Variants in FHIP1A observed in about 807,000 individuals in gnomAD.
FHIP1A encodes the protein FHF complex subunit HOOK interacting protein 1A.
In FHIP1A, 61 loss-of-function variants were observed where a neutral mutation model predicts 88.6. The observed-to-expected ratio is 0.69, with a 90% CI of 0.56 to 0.85. FHIP1A has a LOEUF of 0.85. Ranked by LOEUF, FHIP1A falls within the 40% of genes least tolerant of loss-of-function variation. FHIP1A has a pLI of 0.00. For missense variants in FHIP1A, 1,154 were observed against 1,273.5 expected, an observed-to-expected ratio of 0.91 and a Z score of 1.43; for synonymous variants, 478 against 496.0, an observed-to-expected ratio of 0.96 and a Z score of 0.48.
chr4:151,551,085 C>T (rs1321811345), intron 3 of FHIP1A, among the ~76,000 whole-genome samples: 1 of 152,182 alleles, frequency 6.6e-6, no homozygotes, highest in Non-Finnish European at 1.5e-5. Flanking sequence ...CACAGCACTC[C>T]TGGCAGCTGG....
chr4:151,483,954 TG>T (rs1729989059), intron 3 of FHIP1A, among the ~76,000 whole-genome samples: 1 of 152,176 alleles, frequency 6.6e-6, no homozygotes, highest in African/African-American at 2.4e-5. Flanking sequence ...ATTTAATAAT[TG>T]TTAATAGGCA....
At chr4:151,505,693 C>G (rs2126669922) in intron 3 of FHIP1A, among the ~76,000 whole-genome samples, 1 of 152,230 alleles carries the variant, frequency 6.6e-6, no homozygotes, top group African/African-American at 2.4e-5. Flanking sequence ...TAATAAATAA[C>G]ATTCAAGTGG....
chr4:151,586,649 A>C lies in FHIP1A; in HGVS notation c.741A>C (p.Ala247=). ...VENTYFCPVL[A]TGLSGLYSSL... ...TTTATTTCTGAACACAGGTACTTGC[A>C]ACTGGGCTCAGTGGTCTCTACTCTT... The change falls in exon 6 of 14, where the codon GCA becomes GCC. Residue 247 remains alanine, a synonymous_variant. Transcript: ENST00000435205. 1 of 1,543,984 alleles carries C rather than the reference A, an allele frequency of 6.5e-7. No individual in the cohort carries two copies. Among genetic ancestry groups the C allele is most frequent in the Non-Finnish European group, 8.8e-7 (1 of 1,141,192 alleles).
chr4:151,523,787 A>T (rs1731528191), intron 3 of FHIP1A, among the ~76,000 whole-genome samples: 1 of 152,154 alleles, frequency 6.6e-6, no homozygotes, highest in Non-Finnish European at 1.5e-5. Flanking sequence ...CCAGTCTCTT[A>T]ATATATGTTT....
Position 151,447,646 on chromosome 4 carries a change from AC to A in FHIP1A, c.-355-7050del, listed in dbSNP as rs559846746. Among the ~76,000 whole-genome samples the A allele has an allele frequency of 2.7e-3, 411 of 152,116 alleles. 2 individuals carry two copies. The highest frequency in any genetic ancestry group is 9.4e-3 in the African/African-American group (391 of 41,480). On this transcript the variant is annotated intron_variant, in intron 1 of 13. Coordinates refer to ENST00000435205, the MANE Select transcript of FHIP1A (RefSeq NM_001109977.3). ...TCAAAATTCATATGTTGAAGGCCTA[AC>A]CCCCAATACCTCAGAATGTGATTGT...
intron 2 of FHIP1A, among the ~76,000 whole-genome samples, chr4:151,459,766 A>G (rs1469998123): frequency 6.6e-6 from 1 of 152,234 alleles, no homozygotes; most frequent in Non-Finnish European, 1.5e-5. Context: ...GACAGAAGCA[A>G]GAAACCAGAA....
intron 7 of FHIP1A, among the ~76,000 whole-genome samples, chr4:151,623,247 AAT>A (rs1289548646): frequency 6.6e-6 from 1 of 152,184 alleles, no homozygotes; most frequent in Non-Finnish European, 1.5e-5. Flanking sequence ...TACAGATGAA[AAT>A]ATGTTTTAGG....
intron 2 of FHIP1A, among the ~76,000 whole-genome samples, chr4:151,473,200 T>C (rs980040135): frequency 6.6e-6 from 1 of 152,194 alleles, no homozygotes; most frequent in Admixed American, 6.5e-5. Context: ...TAAAGATCTC[T>C]AGAATCCTTA....
chr4:151,512,567 G>A (rs1016359170), intron 3 of FHIP1A, among the ~76,000 whole-genome samples: 5 of 152,158 alleles, frequency 3.3e-5, no homozygotes, highest in Non-Finnish European at 7.3e-5. Flanking sequence ...AAATTTAGAC[G>A]ACTGTATAAC....
At chr4:151,652,963 T>C (rs1737086104) in intron 11 of FHIP1A, among the ~76,000 whole-genome samples, 1 of 152,184 alleles carries the variant, frequency 6.6e-6, no homozygotes, top group Non-Finnish European at 1.5e-5. Context: ...TGACTGGATC[T>C]GAAAAGGCCA....
intron 3 of FHIP1A, among the ~76,000 whole-genome samples, chr4:151,526,292 G>C (rs1458428537): frequency 6.6e-6 from 1 of 152,116 alleles, no homozygotes; most frequent in African/African-American, 2.4e-5. Context: ...CAGACGGGGT[G>C]GTGGCCGGGC....
At chr4:151,581,673 T>A (rs115338033) in intron 5 of FHIP1A, among the ~76,000 whole-genome samples, 393 of 152,200 alleles carry the variant, frequency 2.6e-3, no homozygotes, top group African/African-American at 9.1e-3. Context: ...TTTCTATAAT[T>A]ACATCTGACA....
At chr4:151,598,184 C>T (rs969485041) in intron 7 of FHIP1A, among the ~76,000 whole-genome samples, 1 of 152,158 alleles carries the variant, frequency 6.6e-6, no homozygotes, top group Admixed American at 6.5e-5. Flanking sequence ...GAGGGAATCT[C>T]CTGGTCTGCG....
intron 3 of FHIP1A, among the ~76,000 whole-genome samples, chr4:151,522,140 C>G (rs778070250): frequency 6.6e-6 from 1 of 152,180 alleles, no homozygotes; most frequent in Non-Finnish European, 1.5e-5. Context: ...CCCTTTTTCT[C>G]TCTTTCCTCC....
At position 151,629,933 on chromosome 4, in the gene FHIP1A, T is replaced by G. The variant is rs149898405; in HGVS notation, c.1146+64T>G. 3.5e-4 allele frequency: 454 copies of G among 1,308,738 alleles called. 2 individuals are homozygous for G. In the African/African-American group the frequency reaches 6.2e-3, roughly 18 times the overall value. The allele number at this position is 1,308,738 out of a possible 1,614,324, so 81.1% of individuals were successfully genotyped here. A position where few individuals can be genotyped will look rare whatever the true frequency, so the allele number is the denominator to read the frequency against. On this transcript the variant is annotated intron_variant, in intron 8 of 13. Transcript: ENST00000435205. Reference sequence around the variant, plus strand: ...AACAGATTTCAGGAGAGTTTTTTTTTGGGAATGAAATTATGAATATTCTCT... The same window carrying G: ...AACAGATTTCAGGAGAGTTTTTTTTGGGGAATGAAATTATGAATATTCTCT...
At position 151,579,360 on chromosome 4, in the gene FHIP1A, T is replaced by A. The variant is rs1224878127; in HGVS notation, c.732+1284T>A. 3.3e-5 allele frequency among the ~76,000 whole-genome samples: 5 copies of A among 152,306 alleles called. No homozygotes were observed. The East Asian group carries it at 5.8e-4, about 18-fold the overall frequency. The stretch of plus-strand genomic sequence containing the variant: ...TGTGCATGTGTTGGGGCAGCGGCTA[T>A]GTGGGATATCTCTGTACCTTCCTCT... On this transcript the variant is annotated intron_variant, in intron 5 of 13. Transcript: ENST00000435205.
At chr4:151,471,339 A>G (rs1729505675) in intron 2 of FHIP1A, among the ~76,000 whole-genome samples, 2 of 142,786 alleles carry the variant, frequency 1.4e-5, no homozygotes, top group South Asian at 2.2e-4. Flanking sequence ...AAAAAAAAAA[A>G]AGAAAAAACC....
intron 7 of FHIP1A, among the ~76,000 whole-genome samples, chr4:151,614,372 C>T (rs1039393726): frequency 2.7e-5 from 4 of 150,606 alleles, no homozygotes; most frequent in Non-Finnish European, 5.9e-5. Flanking sequence ...GGGAGGCTGA[C>T]GTGAGAGATT....
chr4:151,426,756 AG>A (rs2126531935), intron 1 of FHIP1A, among the ~76,000 whole-genome samples: 1 of 152,306 alleles, frequency 6.6e-6, no homozygotes, highest in South Asian at 2.1e-4. Context: ...TTCCTGGCAT[AG>A]GCTGGTGGTA....
Sources: allele counts gnomAD v4.1 joint callset (sites outside exome capture counted in the v4.1 genomes callset), GRCh38; gene constraint gnomAD v4.1.1; transcripts MANE v1.5; gene names NCBI Gene and HGNC (gene_info 2026-07-23, HGNC 2026-07-21).